The following FGD1 variants were observed in gnomAD, a reference collection of about 807,000 sequenced individuals.
The protein encoded by FGD1 is FYVE, RhoGEF and PH domain-containing protein 1.
In FGD1, 12 loss-of-function variants were observed where a neutral mutation model predicts 65.0. The observed-to-expected ratio is 0.18, with a 90% CI of 0.12 to 0.30. FGD1 has a LOEUF of 0.30. Among genes scored for constraint, FGD1 ranks in the 10% least tolerant of loss-of-function variants. The pLI is 1.00. For missense variants in FGD1, 542 were observed against 837.6 expected, an observed-to-expected ratio of 0.65 and a Z score of 4.36; for synonymous variants, 333 against 343.9, an observed-to-expected ratio of 0.97 and a Z score of 0.35.
rs183802866 is a variant in FGD1 at position 54,460,238 on chromosome X, C to T, written c.1637-3671G>A. Among the ~76,000 whole-genome samples, 8 of 105,980 alleles carry T rather than the reference C, an allele frequency of 7.5e-5. No individual in the cohort carries two copies. In the East Asian group the frequency reaches 2.4e-3, roughly 32 times the overall value. 92.0% of individuals were successfully genotyped at this position (105,980 alleles called of 115,157 possible). On this transcript the variant is annotated intron_variant, in intron 8 of 17. Transcript: ENST00000375135. ...TGGGCAGATCATGAGGTCAGGAGAT[C>T]GAGACCATGCTGGCCAACATGGTGA... is the stretch of plus-strand genomic sequence containing the variant.
At chrX:54,491,459 G>T (rs2147446899) in intron 1 of FGD1, among the ~76,000 whole-genome samples, 1 of 112,438 alleles carries the variant, frequency 8.9e-6, no homozygotes, top group Admixed American at 9.4e-5. Flanking sequence ...TCCATTTGCG[G>T]TTGGGAGTGA....
At chrX:54,471,116 G>C (rs1405973729) in intron 2 of FGD1, among the ~76,000 whole-genome samples, 198 bp downstream of exon 2, 1 of 110,748 alleles carries the variant, frequency 9.0e-6, no homozygotes, top group Non-Finnish European at 1.9e-5. Flanking sequence ...TAGACACAAA[G>C]GGGCTAAGGT....
intron 1 of FGD1, among the ~76,000 whole-genome samples, chrX:54,483,072 A>C (rs754683500): frequency 8.9e-6 from 1 of 112,085 alleles, no homozygotes; most frequent in African/African-American, 3.2e-5. Context: ...GTGACACTTT[A>C]GAAAGTGGCG....
chrX:54,457,809 T>C (rs1922537894), intron 8 of FGD1, among the ~76,000 whole-genome samples: 1 of 105,343 alleles, frequency 9.5e-6, no homozygotes, highest in African/African-American at 3.6e-5. Context: ...TGACCAGGTA[T>C]CATCAAAAAA....
intron 1 of FGD1, among the ~76,000 whole-genome samples, chrX:54,471,833 C>T (rs967476946): frequency 1.8e-5 from 2 of 112,421 alleles, no homozygotes; most frequent in African/African-American, 6.5e-5. Flanking sequence ...CTTGTTTCTA[C>T]AGCCACATAG....
chrX:54,476,052 C>A (rs1323174243), intron 1 of FGD1, among the ~76,000 whole-genome samples: 1 of 111,238 alleles, frequency 9.0e-6, no homozygotes, highest in Non-Finnish European at 1.9e-5. Context: ...GCAACAAGAG[C>A]GAAACTCTGT....
Position 54,472,050 on chromosome X carries a change from G to A in FGD1, c.308-563C>T, listed in dbSNP as rs1922906232. On this transcript the variant is annotated intron_variant, in intron 1 of 17. Coordinates refer to ENST00000375135, the MANE Select transcript of FGD1 (RefSeq NM_004463.3). Reference sequence around the variant, plus strand: ...CCCAGCATTTTGGGAAGCTGAGAAGGGAGGATTGCTTGAGCTCAGGAATTT... The same window carrying A: ...CCCAGCATTTTGGGAAGCTGAGAAGAGAGGATTGCTTGAGCTCAGGAATTT... 2.7e-5 allele frequency among the ~76,000 whole-genome samples: 3 copies of A among 111,348 alleles called. 1 individual carries two copies. In the Admixed American group the frequency reaches 2.9e-4, roughly 11 times the overall value.
chrX:54,474,828 A>G (rs1370946780), intron 1 of FGD1, among the ~76,000 whole-genome samples: 2 of 112,513 alleles, frequency 1.8e-5, no homozygotes, highest in African/African-American at 3.2e-5. Flanking sequence ...TGCCATGCAG[A>G]GACCCCTCCT....
At chrX:54,446,533 T>A in intron 17 of FGD1, 119 bp from the exon 18 acceptor site, 1 of 627,367 alleles carries the variant, frequency 1.6e-6, no homozygotes, top group Non-Finnish European at 2.4e-6. Context: ...ACTCCCCTAC[T>A]CAGGAACCTT....
chrX:54,487,477 A>C (rs1923305847), intron 1 of FGD1, among the ~76,000 whole-genome samples: 1 of 112,657 alleles, frequency 8.9e-6, no homozygotes, highest in African/African-American at 3.2e-5. Flanking sequence ...AAAACATTCC[A>C]TGCTCATGGA....
chrX:54,486,773 G>T (rs111802016), intron 1 of FGD1, among the ~76,000 whole-genome samples: 12,671 of 104,547 alleles, frequency 0.12, 1,124 homozygotes, highest in African/African-American at 0.3. Flanking sequence ...CGGATCACAA[G>T]GTCAGGAGTT....
At chrX:54,460,511 G>A (rs1922606249) in intron 8 of FGD1, among the ~76,000 whole-genome samples, 1 of 112,503 alleles carries the variant, frequency 8.9e-6, no homozygotes, top group Non-Finnish European at 1.9e-5. Context: ...GGGAGGGCGA[G>A]GCGGGTGGAT....
In FGD1 at chrX:54,449,128, C is replaced by T. The variant is rs763913024; in HGVS notation, c.2274+15G>A. The T allele has an allele frequency of 9.9e-6, 12 of 1,210,759 alleles. No homozygotes were observed. The highest frequency in any genetic ancestry group is 1.3e-5 in the Non-Finnish European group (12 of 895,321). On this transcript the variant is annotated intron_variant, in intron 15 of 17. Transcript: ENST00000375135. ...TGTCCCCTCCCTAGCTCTGCCCCTG[C>T]CTCCCAACACTCACATGCCCGCAGG...
rs1416088146 is a variant in FGD1, at chrX:54,446,140, G to C, written c.2855C>G (p.Pro952Arg). The change falls in exon 18 of 18, where the codon CCC becomes CGC. Residue 952 changes from proline to arginine, a missense_variant. Coordinates refer to ENST00000375135, the MANE Select transcript of FGD1 (RefSeq NM_004463.3). Reference sequence around the variant, plus strand: ...CTTGTCTCGGGTCTGGGGGGATTCGGGGGGTTCAGCAGTGGCTCCTAAAGC... The same window carrying C: ...CTTGTCTCGGGTCTGGGGGGATTCGCGGGGTTCAGCAGTGGCTCCTAAAGC... ...VAALGATAEP[P>R]ESPQTRDKT 1 of 1,208,713 alleles carries C rather than the reference G, an allele frequency of 8.3e-7. No individual in the cohort carries two copies. Among genetic ancestry groups the C allele is most frequent in the East Asian group, 3.0e-5 (1 of 33,693 alleles).
chrX:54,465,848 G>A lies in FGD1; in HGVS notation c.1345C>T (p.Arg449Cys). 2 of 1,211,250 alleles carry A rather than the reference G, an allele frequency of 1.7e-6. No homozygotes were observed. The highest frequency in any genetic ancestry group is 1.7e-5 in the African/African-American group (1 of 57,695). The change falls in exon 7 of 18, where the codon CGC becomes TGC. Residue 449 changes from arginine to cysteine, a missense_variant. Arg to Cys is a radical substitution (Grantham distance 180). This residue lies in a region of FGD1 where 41 missense variants were observed against 109.5 expected (regional missense o/e 0.37). Transcript: ENST00000375135. ...ELEKRMEEWD[R>C]YPRIGDILQK... ...AGGATGTCTCCAATGCGTGGATAGC[G>A]GTCCCTGGGGTGGAATTAGGGGCTG... is the stretch of plus-strand genomic sequence containing the variant.
intron 3 of FGD1, 48 bp from the exon 4 acceptor site, chrX:54,470,505 G>A: frequency 2.5e-6 from 3 of 1,177,674 alleles, no homozygotes; most frequent in Non-Finnish European, 3.4e-6. Flanking sequence ...GAGCTTGACT[G>A]AGAGGCCTCT....
In FGD1 at chrX:54,449,200, G is replaced by A. The variant is rs1376968764; in HGVS notation, c.2217C>T (p.Cys739=). The A allele has an allele frequency of 3.3e-6, 4 of 1,211,676 alleles. No homozygotes were observed. Among genetic ancestry groups the A allele is most frequent in the Non-Finnish European group, 4.5e-6 (4 of 895,238 alleles). Residue 739 remains cysteine, a synonymous_variant, in exon 15 of 18, where the codon TGC becomes TGT. Coordinates refer to ENST00000375135, the MANE Select transcript of FGD1 (RefSeq NM_004463.3). ...REKEVTMCMR[C]QEPFNSITKR... ...TGGTGATAGAATTGAAGGGCTCCTG[G>A]CAGCGCATGCACATGGTGACTTCCT...
In FGD1 at chrX:54,455,623, A is replaced by G. The variant is rs1044275255; in HGVS notation, c.1935+69T>C. ...CACACACAGACTCGGGGTCAAAGCC[A>G]GCATCTTTGTTCCTCCCAACACCAA... On this transcript the variant is annotated intron_variant, in intron 11 of 17. Transcript: ENST00000375135. 5.5e-6 allele frequency: 6 copies of G among 1,100,207 alleles called. No homozygotes were observed. The Admixed American group carries it at 1.4e-4, about 26-fold the overall frequency. 90.7% of individuals were successfully genotyped at this position (1,100,207 alleles called of 1,213,427 possible).
intron 12 of FGD1, among the ~76,000 whole-genome samples, chrX:54,452,355 A>G (rs1268556441): frequency 1.8e-5 from 2 of 109,035 alleles, no homozygotes; most frequent in Non-Finnish European, 3.8e-5. Flanking sequence ...AAGTGTCCTG[A>G]TATTTGTAAT....
Sources: gnomAD v4.1 joint callset for allele counts (sites outside exome capture counted in the v4.1 genomes callset) on GRCh38, gnomAD v4.1.1 for gene constraint, gnomAD v4.1.1 regional missense constraint, MANE v1.5 for transcripts, NCBI Gene and HGNC (gene_info 2026-07-23, HGNC 2026-07-21) for gene names.